ZSWIM4: variants seen among roughly 807,000 people sequenced by gnomAD.
ZSWIM4 encodes zinc finger SWIM-type containing 4, also known as zinc finger SWIM domain-containing protein 4.
In ZSWIM4, 62 loss-of-function variants were observed where a neutral mutation model predicts 102.5. The ratio of observed to expected loss-of-function variants is 0.60; its 90% CI spans 0.49 to 0.75. The LOEUF is 0.75. Among genes scored for constraint, ZSWIM4 ranks in the 30% least tolerant of loss-of-function variants. The probability of loss-of-function intolerance (pLI) is 0.00; values close to 1 mark genes in which losing one functional copy is unlikely to be tolerated. For missense variants in ZSWIM4, 1,280 were observed against 1,529.6 expected (o/e 0.84, Z 2.72); for synonymous variants, 652 against 674.5 (o/e 0.97, Z 0.52).
chr19:13,827,361 T>A (rs1282953104), intron 12 of ZSWIM4, among the ~76,000 whole-genome samples: 1 of 150,864 alleles, frequency 6.6e-6, no homozygotes, highest in African/African-American at 2.4e-5. Context: ...TCCCAGCACT[T>A]TGGGAGGCCG....
At chr19:13,799,970 C>G (rs769682755) in intron 2 of ZSWIM4, 49 bp downstream of exon 2, 30 of 1,561,768 alleles carry the variant, frequency 1.9e-5, no homozygotes, top group Non-Finnish European at 2.6e-5. Flanking sequence ...AGGTCCATAC[C>G]AGGCCTGGAA....
At position 13,795,601 on chromosome 19, in the gene ZSWIM4, G is replaced by A. The variant is rs1974587003; in HGVS notation, c.-48G>A. 3.4e-6 allele frequency: 1 copy of A among 293,146 alleles called. No homozygotes were observed. The highest frequency in any genetic ancestry group is 7.2e-5 in the East Asian group (1 of 13,842). The allele number at this position is 293,146 out of a possible 1,614,324, so 18.2% of individuals were successfully genotyped here. A position where few individuals can be genotyped will look rare whatever the true frequency, so the allele number is the denominator to read the frequency against. On this transcript the variant is annotated 5_prime_UTR_variant, in exon 1 of 14. Coordinates refer to ENST00000590508, the MANE Select transcript of ZSWIM4 (RefSeq NM_001367834.3). ...GGCGAAGCGGAGCGGGCATCGGACC[G>A]AGCCCCCCAAAGAGGCCCCGCCCCG...
chr19:13,803,104 C>T (rs773109712), intron 2 of ZSWIM4, among the ~76,000 whole-genome samples: 5 of 152,362 alleles, frequency 3.3e-5, no homozygotes, highest in African/African-American at 4.8e-5. Context: ...AGCTAGAGGT[C>T]GGGGCTGGGC....
At chr19:13,818,086 T>A (rs1473921715) in intron 9 of ZSWIM4, 110 bp downstream of exon 9, 1 of 1,241,024 alleles carries the variant, frequency 8.1e-7, no homozygotes, top group Non-Finnish European at 1.0e-6. Context: ...GCCCCGCCCC[T>A]AGCCCCGCCT....
chr19:13,816,378 C>T (rs1299041446), intron 7 of ZSWIM4, among the ~76,000 whole-genome samples: 2 of 152,112 alleles, frequency 1.3e-5, no homozygotes, highest in East Asian at 3.9e-4. Flanking sequence ...AATCCCAACA[C>T]TTTGGGAGGT....
chr19:13,830,840 C>G lies in ZSWIM4; in HGVS notation c.3111C>G (p.Val1037=). Residue 1037 remains valine (V), a synonymous_variant, in exon 14 of 14, where the codon GTC becomes GTG. Coordinates refer to ENST00000590508, the MANE Select transcript of ZSWIM4 (RefSeq NM_001367834.3). The part of the protein sequence containing the change: ...APLCQLLDAA[V]TAYITTSHSR... ...TCTGCCAGCTCCTGGACGCGGCAGT[C>G]ACCGCCTACATCACCACCAGCCACT... is the stretch of plus-strand genomic sequence containing the variant. 4 of 1,611,202 alleles carry G rather than the reference C, an allele frequency of 2.5e-6. No homozygotes were observed. The highest frequency in any genetic ancestry group is 3.4e-6 in the Non-Finnish European group (4 of 1,178,316).
At chr19:13,824,692 G>A (rs561228544) in intron 11 of ZSWIM4, among the ~76,000 whole-genome samples, 49 of 151,622 alleles carry the variant, frequency 3.2e-4, no homozygotes, top group African/African-American at 1.1e-3. Context: ...AGACTGCACC[G>A]TTGCACTCCA....
chr19:13,830,678 C>G lies in ZSWIM4; in HGVS notation c.2949C>G (p.Val983=), dbSNP rs773705187. Residue 983 remains valine, a synonymous_variant, in exon 14 of 14, where the codon GTC becomes GTG. Coordinates refer to ENST00000590508, the MANE Select transcript of ZSWIM4 (RefSeq NM_001367834.3). ...GCCGGCACGAGCTCTCTGCCATCGTCCCCCTCATCATTCGCAGCATCCACT... is the reference window on the plus strand; with the variant it reads ...GCCGGCACGAGCTCTCTGCCATCGTGCCCCTCATCATTCGCAGCATCCACT... ...SLGRHELSAI[V]PLIIRSIHCA... 1 of 1,605,268 alleles carries G rather than the reference C, an allele frequency of 6.2e-7. No homozygotes were observed. The highest frequency in any genetic ancestry group is 2.2e-5 in the East Asian group (1 of 44,858).
chr19:13,813,931 AAAAAG>A (rs1340303873), intron 6 of ZSWIM4, among the ~76,000 whole-genome samples: 46 of 151,702 alleles, frequency 3.0e-4, no homozygotes, highest in African/African-American at 1.0e-3. Flanking sequence ...AAAAAAAAAA[AAAAAG>A]AAAGAAAGAA....
chr19:13,818,709 G>A (rs10423023), intron 9 of ZSWIM4, among the ~76,000 whole-genome samples: 7,232 of 151,718 alleles, frequency 0.048, 551 homozygotes, highest in African/African-American at 0.17. Context: ...GATTACAGGC[G>A]TGCGCCACCA....
In ZSWIM4 at chr19:13,825,150, G is replaced by A. The variant is rs766101008; in HGVS notation, c.2216-400G>A. ...TGCCTCCCGGGTTCAAGCGATTCTC[G>A]TGCCTCATCCTCCCAAGTAGCTGGG... On this transcript the variant is annotated intron_variant, in intron 11 of 13. Transcript: ENST00000590508. The surrounding 1 kb of genome is among the most constrained non-coding windows in gnomAD (Gnocchi z 4.6). 4.6e-5 allele frequency among the ~76,000 whole-genome samples: 7 copies of A among 150,812 alleles called. No homozygotes were observed. The highest frequency in any genetic ancestry group is 8.8e-5 in the Non-Finnish European group (6 of 67,810).
At position 13,808,854 on chromosome 19, in the gene ZSWIM4, C is replaced by T. The variant is rs1439714798; in HGVS notation, c.731C>T (p.Ala244Val). 19 of 1,608,750 alleles carry T rather than the reference C, an allele frequency of 1.2e-5. No homozygotes were observed. The highest frequency in any genetic ancestry group is 1.6e-5 in the Non-Finnish European group (19 of 1,177,830). Residue 244 changes from alanine to valine, a missense_variant, in exon 4 of 14, where the codon GCC (alanine) becomes GTC (valine). Transcript: ENST00000590508. ...NLVNGAPDPT[A>V]GAGIEDANCW... ...CCGGCAGGTGCCCCAGACCCCACCG[C>T]CGGCGCAGGAATCGAGGACGCCAAC...
intron 7 of ZSWIM4, among the ~76,000 whole-genome samples, chr19:13,816,246 C>G (rs1447063399): frequency 6.6e-6 from 1 of 152,050 alleles, no homozygotes; most frequent in Non-Finnish European, 1.5e-5. Context: ...GGGACCCGAG[C>G]AGAGCTCTGA....
intron 7 of ZSWIM4, among the ~76,000 whole-genome samples, chr19:13,816,809 AAAACTTCATACT>A (rs1975300989): frequency 6.6e-6 from 1 of 152,078 alleles, no homozygotes; most frequent in Non-Finnish European, 1.5e-5. Flanking sequence ...AGTATATGGA[AAAACTTCATACT>A]GGTCCTTGGG....
chr19:13,804,889 G>A lies in ZSWIM4; in HGVS notation c.453G>A (p.Thr151=), dbSNP rs201093465. The A allele has an allele frequency of 1.9e-4, 314 of 1,613,460 alleles. No homozygotes were observed. The highest frequency in any genetic ancestry group is 8.2e-4 in the Middle Eastern group (5 of 6,084). The change falls in exon 3 of 14, where the codon ACG becomes ACA. Residue 151 remains threonine, a synonymous_variant. Transcript: ENST00000590508. ...VSISFDRCKI[T]SVSCGCDNRD... ...TCAGCTTTGATCGCTGCAAGATCAC[G>A]TCCGTGAGCTGCGGCTGTGACAACC...
chr19:13,817,467 C>A lies in ZSWIM4; in HGVS notation c.1669+114C>A, dbSNP rs1053413765. 64 of 1,413,554 alleles carry A rather than the reference C, an allele frequency of 4.5e-5. 1 individual carries two copies. The African/African-American group carries it at 8.4e-4, about 19-fold the overall frequency. The allele number at this position is 1,413,554 out of a possible 1,614,324, so 87.6% of individuals were successfully genotyped here. On this transcript the variant is annotated intron_variant, in intron 8 of 13. Coordinates refer to ENST00000590508, the MANE Select transcript of ZSWIM4 (RefSeq NM_001367834.3). ...CCAGACTCTGACCCTTGGCCACGCC[C>A]CTACCCTTGGCTACCTCCTCTGGCC...
rs1470266762 is a variant in ZSWIM4 at position 13,808,972 on chromosome 19, C to T, written c.849C>T (p.Ser283=). 6.2e-7 allele frequency: 1 copy of T among 1,611,186 alleles called. No homozygotes were observed. The highest frequency in any genetic ancestry group is 2.2e-5 in the East Asian group (1 of 44,754). ...GYYGASQQLR[S]MFSKVREMLR... ...ACGGGGCCAGCCAGCAGCTGCGCTCCATGTTCAGCAAGGTGCCGTGCGGGC... is the reference window on the plus strand; with the variant it reads ...ACGGGGCCAGCCAGCAGCTGCGCTCTATGTTCAGCAAGGTGCCGTGCGGGC... Residue 283 remains serine, a synonymous_variant, in exon 4 of 14, where the codon TCC becomes TCT. Coordinates refer to ENST00000590508, the MANE Select transcript of ZSWIM4 (RefSeq NM_001367834.3).
intron 5 of ZSWIM4, 108 bp from the exon 6 acceptor site, chr19:13,812,889 C>G (rs1258357383): frequency 1.2e-5 from 15 of 1,247,370 alleles, no homozygotes; most frequent in Middle Eastern, 2.8e-4. Context: ...TTCCGAGGGT[C>G]GAGGTGAGGG....
intron 12 of ZSWIM4, among the ~76,000 whole-genome samples, chr19:13,828,025 C>T (rs1975658846): frequency 1.3e-5 from 2 of 152,150 alleles, no homozygotes; most frequent in Admixed American, 1.3e-4. Context: ...GCAACAACAG[C>T]AGTGATATTA....
Sources: allele counts gnomAD v4.1 joint callset (sites outside exome capture counted in the v4.1 genomes callset), GRCh38; gene constraint gnomAD v4.1.1; non-coding constraint Gnocchi (gnomAD v3.1); transcripts MANE v1.5; gene names NCBI Gene and HGNC (gene_info 2026-07-23, HGNC 2026-07-21).